Variants in MBNL3 observed in about 807,000 individuals in gnomAD.
MBNL3 encodes muscleblind like splicing regulator 3, also known as muscleblind-like protein 3.
MBNL3 carries 6 observed loss-of-function variants against 24.5 expected under a neutral mutation model. That is an observed-to-expected ratio of 0.25 (90% CI 0.13 to 0.48). The LOEUF (loss-of-function observed/expected upper bound fraction) is 0.48, where lower values mean the gene tolerates loss of function less well. Ranked by LOEUF, MBNL3 falls within the 20% of genes least tolerant of loss-of-function variation. The probability of loss-of-function intolerance (pLI) is 0.99; values close to 1 mark genes in which losing one functional copy is unlikely to be tolerated. For synonymous variants in MBNL3, 100 were observed against 101.7 expected (o/e 0.98, Z 0.10); for missense variants, 230 against 293.5 (o/e 0.78, Z 1.58).
intron 2 of MBNL3, among the ~76,000 whole-genome samples, chrX:132,414,018 CAT>C (rs928739299): frequency 8.0e-5 from 9 of 111,999 alleles, no homozygotes; most frequent in Non-Finnish European, 1.5e-4. Context: ...CTACTTAGCA[CAT>C]GTTTCTATAT....
At position 132,488,962 on chromosome X, in the gene MBNL3, G is replaced by A. The variant is rs1256582917; in HGVS notation, c.-815C>T. Reference sequence around the variant, plus strand: ...CCATCTGTTAGCGGCAGAAGCAAAAGCAGCGCTGCGCGAGGTGGCCCCGGT... The same window carrying A: ...CCATCTGTTAGCGGCAGAAGCAAAAACAGCGCTGCGCGAGGTGGCCCCGGT... On this transcript the variant is annotated 5_prime_UTR_variant, in exon 1 of 9. Coordinates refer to ENST00000370853, the MANE Select transcript of MBNL3 (RefSeq NM_001386889.1). 8.8e-6 allele frequency: 1 copy of A among 113,512 alleles called. No homozygotes were observed. Among genetic ancestry groups the A allele is most frequent in the African/African-American group, 3.2e-5 (1 of 31,268 alleles). 9.4% of individuals were successfully genotyped at this position (113,512 alleles called of 1,213,427 possible).
At chrX:132,390,188 A>ATC (rs1482375501) in intron 5 of MBNL3, among the ~76,000 whole-genome samples, 1 of 103,345 alleles carries the variant, frequency 9.7e-6, no homozygotes, top group Non-Finnish European at 2.0e-5. Context: ...GTGAGACTCC[A>ATC]TCTCAAAACA....
chrX:132,375,663 T>A lies in MBNL3; in HGVS notation c.*4003A>T, dbSNP rs1934072608. Reference sequence around the variant, plus strand: ...GTTAAACAAGGCTACTGTCTTAGTATATCTATTCATCAGAATTGGGAAATC... The same window carrying A: ...GTTAAACAAGGCTACTGTCTTAGTAAATCTATTCATCAGAATTGGGAAATC... On this transcript the variant is annotated 3_prime_UTR_variant, in exon 9 of 9. Transcript: ENST00000370853. The A allele has an allele frequency of 8.9e-6, 1 of 111,857 alleles. No homozygotes were observed. Among genetic ancestry groups the A allele is most frequent in the Non-Finnish European group, 1.9e-5 (1 of 52,968 alleles). The allele number at this position is 111,857 out of a possible 1,213,427, so 9.2% of individuals were successfully genotyped here.
chrX:132,421,228 T>C (rs1377278635), intron 2 of MBNL3, among the ~76,000 whole-genome samples: 2 of 112,304 alleles, frequency 1.8e-5, no homozygotes, highest in Non-Finnish European at 3.8e-5. Context: ...ATATTTTTCT[T>C]TATTAGTTCT....
chrX:132,472,186 T>C (rs1162855770), intron 1 of MBNL3, among the ~76,000 whole-genome samples: 2 of 111,729 alleles, frequency 1.8e-5, no homozygotes, highest in African/African-American at 3.3e-5. Flanking sequence ...TCAATTTGAG[T>C]ATTGGAAGAA....
chrX:132,486,090 A>T (rs1947993561), intron 1 of MBNL3, among the ~76,000 whole-genome samples: 1 of 112,231 alleles, frequency 8.9e-6, no homozygotes, highest in Non-Finnish European at 1.9e-5. Flanking sequence ...ACTATAACTT[A>T]TGTACTGTCA....
Position 132,385,292 on chromosome X carries a change from G to C in MBNL3, c.923-594C>G, listed in dbSNP as rs181737486. Among the ~76,000 whole-genome samples, 26 of 110,911 alleles carry C rather than the reference G, an allele frequency of 2.3e-4. No individual in the cohort carries two copies. The Admixed American group carries it at 2.5e-3, about 11-fold the overall frequency. On this transcript the variant is annotated intron_variant, in intron 6 of 8. Transcript: ENST00000370853. ...CAAATCTGGCAAAAAATTCAAACTT[G>C]GAAACAAAGTAACTGTAGTATTAAG...
At chrX:132,409,173 C>T (rs1053892859) in intron 2 of MBNL3, among the ~76,000 whole-genome samples, 2 of 112,158 alleles carry the variant, frequency 1.8e-5, no homozygotes, top group Non-Finnish European at 3.8e-5. Flanking sequence ...CTCTACATAG[C>T]GTTCATTCTT....
At chrX:132,424,586 T>C (rs1243502137) in intron 2 of MBNL3, among the ~76,000 whole-genome samples, 3 of 111,630 alleles carry the variant, frequency 2.7e-5, no homozygotes, top group Admixed American at 1.9e-4. Context: ...CTCTTGGGGG[T>C]GGAGGAATCC....
At chrX:132,403,577 G>A (rs977286099) in intron 3 of MBNL3, among the ~76,000 whole-genome samples, 4 of 111,876 alleles carry the variant, frequency 3.6e-5, no homozygotes, top group African/African-American at 1.3e-4. Context: ...AATCAAATTA[G>A]AAAGCACAAG....
At chrX:132,468,199 T>C (rs973578648) in intron 1 of MBNL3, among the ~76,000 whole-genome samples, 34 of 112,619 alleles carry the variant, frequency 3.0e-4, no homozygotes, top group Non-Finnish European at 9.4e-5. Context: ...GCATCAAACA[T>C]TTTAAAAGCA....
intron 1 of MBNL3, among the ~76,000 whole-genome samples, chrX:132,460,958 G>A (rs979071612): frequency 7.2e-5 from 8 of 111,511 alleles, no homozygotes; most frequent in Non-Finnish European, 1.5e-4. Flanking sequence ...AGAACATACG[G>A]TATTTGGTTT....
At chrX:132,423,282 T>C (rs1169965239) in intron 2 of MBNL3, among the ~76,000 whole-genome samples, 1 of 111,734 alleles carries the variant, frequency 8.9e-6, no homozygotes, top group East Asian at 2.8e-4. Flanking sequence ...ATTTGCTGTA[T>C]AAACATTTCC....
chrX:132,411,679 C>T (rs1942751900), intron 2 of MBNL3, among the ~76,000 whole-genome samples: 1 of 111,511 alleles, frequency 9.0e-6, no homozygotes, highest in African/African-American at 3.3e-5. Context: ...TTTATCTCTC[C>T]CTCCTTTGTG....
At chrX:132,446,287 TTA>T (rs760596618) in intron 1 of MBNL3, among the ~76,000 whole-genome samples, 92 of 112,061 alleles carry the variant, frequency 8.2e-4, no homozygotes, top group Non-Finnish European at 1.6e-3. Context: ...GCAGAAAGAT[TTA>T]TAATACTTTG....
At chrX:132,453,908 A>G (rs997967921) in intron 1 of MBNL3, among the ~76,000 whole-genome samples, 2 of 110,714 alleles carry the variant, frequency 1.8e-5, no homozygotes, top group African/African-American at 3.3e-5. Flanking sequence ...CCTGGCCAAC[A>G]TGATGAAACC....
intron 1 of MBNL3, among the ~76,000 whole-genome samples, chrX:132,448,505 T>C (rs146856065): frequency 0.013 from 1,461 of 111,848 alleles, 27 homozygotes; most frequent in African/African-American, 0.045. Context: ...CTTATCATTT[T>C]TTATTGTGTG....
intron 2 of MBNL3, among the ~76,000 whole-genome samples, chrX:132,421,060 T>C (rs1175631943): frequency 8.9e-6 from 1 of 111,737 alleles, no homozygotes. Context: ...CTTAATTCTA[T>C]TTAGTTTTAG....
intron 2 of MBNL3, chrX:132,437,792 A>T (rs1945193283): frequency 2.2e-5 from 4 of 183,142 alleles, no homozygotes; most frequent in Non-Finnish European, 3.4e-5. Context: ...AAATAATTGT[A>T]GATGAAACTT....
Sources: allele counts gnomAD v4.1 joint callset (sites outside exome capture counted in the v4.1 genomes callset), GRCh38; gene constraint gnomAD v4.1.1; transcripts MANE v1.5; gene names NCBI Gene and HGNC (gene_info 2026-07-23, HGNC 2026-07-21).